MARCHF1: variants seen among roughly 807,000 people sequenced by gnomAD.
MARCHF1 encodes E3 ubiquitin-protein ligase MARCHF1.
In MARCHF1, 40 loss-of-function variants were observed where a neutral mutation model predicts 54.2. The ratio of observed to expected loss-of-function variants is 0.74; its 90% CI spans 0.57 to 0.96. The LOEUF (loss-of-function observed/expected upper bound fraction) is 0.96, where lower values mean the gene tolerates loss of function less well. MARCHF1 is among the 40% of genes least tolerant of loss of function. MARCHF1 has a pLI of 0.00. For synonymous variants in MARCHF1, 236 were observed against 236.3 expected (o/e 1.00, Z 0.01); for missense variants, 586 against 656.5 (o/e 0.89, Z 1.17).
chr4:164,081,147 G>T (rs910056745), intron 2 of MARCHF1, among the ~76,000 whole-genome samples: 1 of 126,632 alleles, frequency 7.9e-6, no homozygotes, highest in African/African-American at 2.9e-5. Flanking sequence ...GGCGGAGCTT[G>T]CAGTGAGCCG....
intron 1 of MARCHF1, among the ~76,000 whole-genome samples, chr4:164,351,380 G>C (rs373764098): frequency 3.3e-5 from 5 of 151,230 alleles, no homozygotes; most frequent in Non-Finnish European, 5.9e-5. Flanking sequence ...GCTTTGAAGA[G>C]AGCAGTGGTT....
chr4:164,058,080 C>CA (rs1754533786), intron 2 of MARCHF1, among the ~76,000 whole-genome samples: 1 of 151,968 alleles, frequency 6.6e-6, no homozygotes, highest in Non-Finnish European at 1.5e-5. Context: ...AATGAAAACA[C>CA]ATGGACACAG....
intron 1 of MARCHF1, among the ~76,000 whole-genome samples, chr4:164,242,573 C>A (rs1321447120): frequency 6.6e-6 from 1 of 152,122 alleles, no homozygotes; most frequent in East Asian, 1.9e-4. Context: ...CAGAGCGCCT[C>A]TCCTCCTCCA....
At chr4:164,076,421 C>G (rs1345747765) in intron 2 of MARCHF1, among the ~76,000 whole-genome samples, 2 of 152,094 alleles carry the variant, frequency 1.3e-5, no homozygotes, top group Non-Finnish European at 2.9e-5. Flanking sequence ...ATGACAAAGC[C>G]ACAGCCAATA....
intron 1 of MARCHF1, among the ~76,000 whole-genome samples, chr4:164,229,266 G>C (rs1732343442): frequency 6.6e-6 from 1 of 152,148 alleles, no homozygotes; most frequent in African/African-American, 2.4e-5. Flanking sequence ...GGAAATGCTG[G>C]TTGCAATTTC....
intron 3 of MARCHF1, among the ~76,000 whole-genome samples, chr4:163,930,022 C>A (rs1257428277): frequency 6.3e-4 from 79 of 126,384 alleles, no homozygotes; most frequent in African/African-American, 2.3e-3. Flanking sequence ...ATTATATATA[C>A]TATATTATAT....
intron 7 of MARCHF1, among the ~76,000 whole-genome samples, chr4:163,591,192 G>A (rs560953268): frequency 6.6e-6 from 1 of 151,688 alleles, no homozygotes; most frequent in East Asian, 1.9e-4. Flanking sequence ...TAAAATTAAT[G>A]GTCAGATGAT....
At chr4:164,147,614 C>T (rs187041519) in intron 1 of MARCHF1, among the ~76,000 whole-genome samples, 9 of 140,746 alleles carry the variant, frequency 6.4e-5, no homozygotes, top group South Asian at 2.3e-4. Context: ...TAGGTGGGAA[C>T]TGAACAATGA....
chr4:163,829,438 G>A (rs184333653), intron 4 of MARCHF1, among the ~76,000 whole-genome samples: 5 of 152,192 alleles, frequency 3.3e-5, no homozygotes, highest in African/African-American at 1.2e-4. Context: ...TCTATCACTA[G>A]CATATTTATG....
At chr4:164,222,144 A>G (rs542011022) in intron 1 of MARCHF1, among the ~76,000 whole-genome samples, 49 of 152,128 alleles carry the variant, frequency 3.2e-4, no homozygotes, top group Non-Finnish European at 5.9e-4. Flanking sequence ...CTAGGTGGGT[A>G]CGCTTTCCTT....
At chr4:163,928,116 T>C (rs1751577760) in intron 3 of MARCHF1, among the ~76,000 whole-genome samples, 2 of 151,924 alleles carry the variant, frequency 1.3e-5, no homozygotes, top group Admixed American at 1.3e-4. Flanking sequence ...TCTATGTAAT[T>C]CTTTCATGTA....
intron 1 of MARCHF1, among the ~76,000 whole-genome samples, chr4:164,339,748 GA>G (rs1249404755): frequency 1.3e-5 from 2 of 151,658 alleles, no homozygotes; most frequent in African/African-American, 2.4e-5. Context: ...AGACACTAGA[GA>G]ACAATAAAAA....
chr4:163,540,310 T>G (rs1014118624), intron 9 of MARCHF1, among the ~76,000 whole-genome samples: 3 of 152,192 alleles, frequency 2.0e-5, no homozygotes, highest in South Asian at 2.1e-4. Context: ...CATCTCACTC[T>G]AAGTTGGAAT....
chr4:164,167,216 G>T (rs1215533565), intron 1 of MARCHF1, among the ~76,000 whole-genome samples: 1 of 151,642 alleles, frequency 6.6e-6, no homozygotes, highest in East Asian at 1.9e-4. Context: ...AAAGCAAACA[G>T]TCTGTTAGGG....
chr4:163,698,989 C>T (rs763944988), intron 5 of MARCHF1, among the ~76,000 whole-genome samples: 9 of 152,072 alleles, frequency 5.9e-5, no homozygotes, highest in Non-Finnish European at 1.2e-4. Context: ...TTATCATCAT[C>T]CTTATGTCAT....
At chr4:164,036,119 A>G (rs1753994458) in intron 2 of MARCHF1, among the ~76,000 whole-genome samples, 1 of 120,792 alleles carries the variant, frequency 8.3e-6, no homozygotes, top group Admixed American at 8.3e-5. Context: ...AAAAAAAACA[A>G]AAAACAAAAA....
intron 4 of MARCHF1, among the ~76,000 whole-genome samples, chr4:163,812,601 T>C (rs1322223960): frequency 2.0e-5 from 3 of 152,022 alleles, no homozygotes; most frequent in African/African-American, 4.8e-5. Context: ...CTTCTGAATT[T>C]ACAAAAATTA....
chr4:164,199,681 C>CACACACAG (rs1462208986), intron 1 of MARCHF1, among the ~76,000 whole-genome samples: 41 of 47,654 alleles, frequency 8.6e-4, no homozygotes, highest in East Asian at 3.4e-3. Context: ...CACACACACA[C>CACACACAG]AGAGAGAGAG....
intron 4 of MARCHF1, among the ~76,000 whole-genome samples, chr4:163,746,501 T>A (rs950960433): frequency 3.3e-5 from 5 of 152,060 alleles, no homozygotes; most frequent in Admixed American, 6.6e-5. Context: ...TGGAAATAAG[T>A]TTTCAGCTCA....
Sources: gnomAD v4.1 joint callset for allele counts (sites outside exome capture counted in the v4.1 genomes callset) on GRCh38, gnomAD v4.1.1 for gene constraint, MANE v1.5 for transcripts, NCBI Gene and HGNC (gene_info 2026-07-23, HGNC 2026-07-21) for gene names.